The following GTF2A1 variants were observed in gnomAD, a reference collection of about 807,000 sequenced individuals.
The protein encoded by GTF2A1 is general transcription factor IIA subunit 1.
Under a neutral mutation model 54.1 loss-of-function variants are expected in GTF2A1, and 12 were observed. The ratio of observed to expected loss-of-function variants is 0.22; its 90% CI spans 0.14 to 0.36. The LOEUF is 0.36. GTF2A1 is among the 10% of genes least tolerant of loss of function. The pLI is 1.00. For synonymous variants in GTF2A1, 145 were observed against 152.0 expected, an observed-to-expected ratio of 0.95 and a Z score of 0.34; for missense variants, 335 against 442.2, an observed-to-expected ratio of 0.76 and a Z score of 2.17.
rs1286796658 is a variant in GTF2A1, at chr14:81,220,521, C to G, written c.-3G>C. The G allele has an allele frequency of 1.3e-6, 2 of 1,573,430 alleles. No individual in the cohort carries two copies. The highest frequency in any genetic ancestry group is 1.2e-5 in the South Asian group (1 of 86,448). On this transcript the variant is annotated 5_prime_UTR_variant, in exon 1 of 9. Transcript: ENST00000553612. Reference sequence around the variant, plus strand: ...TTTGTATTTGCCGAGTTCGCCATTTCCACACACAACACAAACAAGAGGGGG... The same window carrying G: ...TTTGTATTTGCCGAGTTCGCCATTTGCACACACAACACAAACAAGAGGGGG...
Position 81,214,713 on chromosome 14 carries a change from T to C in GTF2A1, c.132+1700A>G, listed in dbSNP as rs1893449132. ...GTATGTGAATTACATCCACCTATATTTATACTAATAGAAATTATAACAAAT... is the reference window on the plus strand; with the variant it reads ...GTATGTGAATTACATCCACCTATATCTATACTAATAGAAATTATAACAAAT... On this transcript the variant is annotated intron_variant, in intron 2 of 8. Transcript: ENST00000553612. 2.0e-5 allele frequency among the ~76,000 whole-genome samples: 3 copies of C among 152,320 alleles called. No individual in the cohort carries two copies. The South Asian group carries it at 6.2e-4, about 32-fold the overall frequency.
rs1368593739 is a variant in GTF2A1, at chr14:81,189,821, C to T, written c.933+2698G>A. On this transcript the variant is annotated intron_variant, in intron 7 of 8. Transcript: ENST00000553612. ...TTTTCAAAGCATATACAAAAACTGA[C>T]CAAATCAAGCAAGTCTCAAGCAATT... 2.0e-5 allele frequency among the ~76,000 whole-genome samples: 3 copies of T among 152,012 alleles called. No individual in the cohort carries two copies. In the East Asian group the frequency reaches 5.8e-4, roughly 29 times the overall value.
At chr14:81,210,010 T>G in intron 2 of GTF2A1, 1 of 501,024 alleles carries the variant, frequency 2.0e-6, no homozygotes, top group Non-Finnish European at 3.5e-6. Context: ...CTACTGACAT[T>G]TTCGGCAGGA....
At chr14:81,210,027 T>G in intron 2 of GTF2A1, 1 of 163,634 alleles carries the variant, frequency 6.1e-6, no homozygotes, top group Non-Finnish European at 1.3e-5. Flanking sequence ...AGGACAATTC[T>G]TTATCATACA....
At chr14:81,182,157 T>A (rs1892653082) in intron 8 of GTF2A1, among the ~76,000 whole-genome samples, 1 of 151,732 alleles carries the variant, frequency 6.6e-6, no homozygotes, top group Non-Finnish European at 1.5e-5. Flanking sequence ...ACTACTCTCA[T>A]GTTCTTCTTC....
intron 1 of GTF2A1, among the ~76,000 whole-genome samples, chr14:81,217,206 G>A (rs1893505505): frequency 6.6e-6 from 1 of 152,190 alleles, no homozygotes. Context: ...ATACTACTTG[G>A]AGGAGCGGGA....
Position 81,220,907 on chromosome 14 carries a change from G to C in GTF2A1, c.-389C>G, listed in dbSNP as rs1893628311. 1 of 197,638 alleles carries C rather than the reference G, an allele frequency of 5.1e-6. No individual in the cohort carries two copies. The highest frequency in any genetic ancestry group is 6.1e-5 in the Admixed American group (1 of 16,370). 12.2% of individuals were successfully genotyped at this position (197,638 alleles called of 1,614,324 possible). A position where few individuals can be genotyped will look rare whatever the true frequency, so the allele number is the denominator to read the frequency against. ...CGCCCGCTTCTCTCCTTTATATAGC[G>C]AGCCAACAAGCTGCGCGAGCCACCA... On this transcript the variant is annotated 5_prime_UTR_variant, in exon 1 of 9. Coordinates refer to ENST00000553612, the MANE Select transcript of GTF2A1 (RefSeq NM_015859.4).
intron 1 of GTF2A1, among the ~76,000 whole-genome samples, 171 bp from the exon 2 acceptor site, chr14:81,216,685 T>C (rs141652970): frequency 7.7e-4 from 118 of 152,366 alleles, no homozygotes; most frequent in African/African-American, 2.6e-3. Context: ...CTGCACACTT[T>C]AATAAAAATT....
chr14:81,206,599 G>A (rs2140033569), intron 2 of GTF2A1, among the ~76,000 whole-genome samples: 1 of 152,176 alleles, frequency 6.6e-6, no homozygotes, highest in South Asian at 2.1e-4. Flanking sequence ...GCATCACCTG[G>A]GTACTTGTTA....
intron 2 of GTF2A1, among the ~76,000 whole-genome samples, chr14:81,214,971 C>T (rs1256357393): frequency 6.6e-6 from 1 of 152,110 alleles, no homozygotes; most frequent in Non-Finnish European, 1.5e-5. Context: ...AGAAAAGGTA[C>T]TTTTAAGTGA....
In GTF2A1 at chr14:81,196,115, A is replaced by G. The variant is rs762492938; in HGVS notation, c.605T>C (p.Ile202Thr). The change falls in exon 6 of 9, where the codon ATA (isoleucine) becomes ACA (threonine). Residue 202 changes from isoleucine (I) to threonine (T), a missense_variant. Physicochemically the swap from Ile to Thr is moderately conservative, Grantham distance 89. This residue lies in a region of GTF2A1 where 306 missense variants were observed against 360.4 expected (regional missense o/e 0.85). Coordinates refer to ENST00000553612, the MANE Select transcript of GTF2A1 (RefSeq NM_015859.4). ...MQPGGVQAPV[I>T]QQVLAPLPGG... is the part of the protein sequence containing the mutation. ...AATAGAAGATTATTTTACCTGCTGTATAACAGGAGCTTGTACTCCACCAGG... is the reference window on the plus strand; with the variant it reads ...AATAGAAGATTATTTTACCTGCTGTGTAACAGGAGCTTGTACTCCACCAGG... 2 of 1,613,540 alleles carry G rather than the reference A, an allele frequency of 1.2e-6. No homozygotes were observed. Among genetic ancestry groups the G allele is most frequent in the Non-Finnish European group, 1.7e-6 (2 of 1,179,552 alleles).
chr14:81,192,920 G>C, intron 6 of GTF2A1, 81 bp from the exon 7 acceptor site: 1 of 811,392 alleles, frequency 1.2e-6, no homozygotes, highest in Non-Finnish European at 2.0e-6. Flanking sequence ...AAATGCTTAA[G>C]ATTCACCAGA....
intron 2 of GTF2A1, among the ~76,000 whole-genome samples, chr14:81,206,368 T>C (rs945023763): frequency 3.3e-5 from 5 of 152,174 alleles, no homozygotes; most frequent in Non-Finnish European, 5.9e-5. Flanking sequence ...ACAGTAGTAA[T>C]GTAGTGACTC....
At chr14:81,210,991 T>TA (rs1893352089) in intron 2 of GTF2A1, among the ~76,000 whole-genome samples, 1 of 152,218 alleles carries the variant, frequency 6.6e-6, no homozygotes, top group African/African-American at 2.4e-5. Context: ...TTGTGTTGAC[T>TA]AATAACTAAA....
In GTF2A1 at chr14:81,197,410, T is replaced by C. The variant is rs766719794; in HGVS notation, c.477A>G (p.Ser159=). The change falls in exon 5 of 9, where the codon TCA becomes TCG. Residue 159 remains serine (S), a splice_region_variant and synonymous_variant. Transcript: ENST00000553612. ...AATGGTTCCATCATTCCTAATTACCTGAATTTGTTAATATCTGCTGAACAG... is the reference window on the plus strand; with the variant it reads ...AATGGTTCCATCATTCCTAATTACCCGAATTTGTTAATATCTGCTGAACAG... The part of the protein sequence containing the change: ...VTPVQQILTN[S]GQLLQVVRAA... The C allele has an allele frequency of 1.3e-6, 2 of 1,504,220 alleles. No individual in the cohort carries two copies. Among genetic ancestry groups the C allele is most frequent in the African/African-American group, 1.4e-5 (1 of 73,126 alleles). The allele number at this position is 1,504,220 out of a possible 1,614,324, so 93.2% of individuals were successfully genotyped here.
At position 81,185,591 on chromosome 14, in the gene GTF2A1, A is replaced by G; in HGVS notation, c.963T>C (p.Ser321=). The change falls in exon 8 of 9, where the codon AGT becomes AGC. Residue 321 remains serine (S), a synonymous_variant. Transcript: ENST00000553612. ...CAAAGAGTTCCTGTCCTTCCTCATC[A>G]CTCACATCATCTTCACTATTGAGGG... ...EEPLNSEDDV[S]DEEGQELFDT... is the part of the protein sequence containing the mutation. 1 of 1,597,646 alleles carries G rather than the reference A, an allele frequency of 6.3e-7. No individual in the cohort carries two copies. The highest frequency in any genetic ancestry group is 8.6e-7 in the Non-Finnish European group (1 of 1,165,548).
intron 4 of GTF2A1, among the ~76,000 whole-genome samples, chr14:81,201,296 A>G (rs1893105022): frequency 6.6e-6 from 1 of 152,200 alleles, no homozygotes; most frequent in South Asian, 2.1e-4. Flanking sequence ...AAACAGAACC[A>G]TACTTGGCAT....
chr14:81,202,799 T>C (rs1248337474), intron 3 of GTF2A1: 4 of 517,128 alleles, frequency 7.7e-6, no homozygotes, highest in East Asian at 5.4e-5. Flanking sequence ...AAAATCCTAA[T>C]GCCAGGTCTG....
chr14:81,219,105 A>C (rs1367666303), intron 1 of GTF2A1, among the ~76,000 whole-genome samples: 1 of 151,938 alleles, frequency 6.6e-6, no homozygotes, highest in Non-Finnish European at 1.5e-5. Context: ...CTGATCTAAA[A>C]CTCTTTGTTT....
Sources: allele counts gnomAD v4.1 joint callset (sites outside exome capture counted in the v4.1 genomes callset), GRCh38; gene constraint gnomAD v4.1.1; regional missense constraint gnomAD v4.1.1; transcripts MANE v1.5; gene names NCBI Gene and HGNC (gene_info 2026-07-23, HGNC 2026-07-21).